Variants in CD276 observed in about 807,000 individuals in gnomAD.
CD276 encodes the protein CD276 molecule.
In CD276, 34 loss-of-function variants were observed where a neutral mutation model predicts 50.0. The observed-to-expected ratio is 0.68, with a 90% CI of 0.52 to 0.91. The LOEUF (loss-of-function observed/expected upper bound fraction) is 0.91, where lower values mean the gene tolerates loss of function less well. Among genes scored for constraint, CD276 ranks in the 40% least tolerant of loss-of-function variants. The pLI is 0.00. For synonymous variants in CD276, 275 were observed against 313.0 expected, an observed-to-expected ratio of 0.88 and a Z score of 1.28; for missense variants, 634 against 717.5, an observed-to-expected ratio of 0.88 and a Z score of 1.33.
In CD276 at chr15:73,711,171, G is replaced by A. The variant is rs760384194; in HGVS notation, c.1582+1G>A. 18 of 1,613,774 alleles carry A rather than the reference G, an allele frequency of 1.1e-5. No homozygotes were observed. The highest frequency in any genetic ancestry group is 5.3e-5 in the African/African-American group (4 of 74,902). ...CTGAAACACTCTGACAGCAAAGAAG[G>A]TAAAGACACCTGGGCTTGAGGTTGT... On this transcript the variant is annotated splice_donor_variant, in intron 9 of 9. Transcript: ENST00000318443. LOFTEE classifies it high-confidence loss of function.
Position 73,706,746 on chromosome 15 carries a change from T to C in CD276, c.1370-1593T>C, listed in dbSNP as rs141859579. The stretch of plus-strand genomic sequence containing the variant: ...ACCTGATGAAGTTAGTGAAGTTGTG[T>C]GCTGTGCAGAGCCTCTTGGAGGGGG... On this transcript the variant is annotated intron_variant, in intron 6 of 9. Coordinates refer to ENST00000318443, the MANE Select transcript of CD276 (RefSeq NM_001024736.2). Among the ~76,000 whole-genome samples the C allele has an allele frequency of 1.3e-3, 193 of 152,348 alleles. 1 individual carries two copies. Among genetic ancestry groups the C allele is most frequent in the East Asian group, 7.7e-4 (4 of 5,194 alleles).
At chr15:73,696,494 G>A (rs1230619346) in intron 1 of CD276, among the ~76,000 whole-genome samples, 1 of 152,132 alleles carries the variant, frequency 6.6e-6, no homozygotes, top group Non-Finnish European at 1.5e-5. Flanking sequence ...CTTTGCTTCT[G>A]GGCTGTCAAA....
At position 73,704,807 on chromosome 15, in the gene CD276, A is replaced by G. The variant is rs1469464801; in HGVS notation, c.1369+335A>G. On this transcript the variant is annotated intron_variant, in intron 6 of 9. Transcript: ENST00000318443. This position sits in a 1 kb window ranked among gnomAD's most constrained non-coding sequence, Gnocchi z 4.1. The stretch of plus-strand genomic sequence containing the variant: ...ACTTGGTGTGGGTGTGCTTTCCAGC[A>G]GGAACTCCTCTGAGTGGTAGGAAGG... 6.6e-6 allele frequency among the ~76,000 whole-genome samples: 1 copy of G among 152,210 alleles called. No individual in the cohort carries two copies. Among genetic ancestry groups the G allele is most frequent in the African/African-American group, 2.4e-5 (1 of 41,456 alleles).
chr15:73,686,568 G>C (rs961935009), intron 1 of CD276, among the ~76,000 whole-genome samples: 1 of 152,172 alleles, frequency 6.6e-6, no homozygotes, highest in African/African-American at 2.4e-5. Context: ...CTTCCTGTGA[G>C]AATTCCATCA....
chr15:73,704,363 T>A lies in CD276; in HGVS notation c.1260T>A (p.Phe420Leu), dbSNP rs757225566. The change falls in exon 6 of 10, where the codon TTT becomes TTA. Residue 420 changes from phenylalanine to leucine, a missense_variant. By Grantham distance (22) the Phe-to-Leu change is conservative. Transcript: ENST00000318443. The surrounding 1 kb of genome is among the most constrained non-coding windows in gnomAD (Gnocchi z 4.1). The stretch of plus-strand genomic sequence containing the variant: ...AGATGGCCAACGAGCAGGGCTTGTT[T>A]GATGTGCACAGCGTCCTGCGGGTGG... Reference protein sequence around the residue: ...TSQMANEQGLFDVHSVLRVVL... With the variant: ...TSQMANEQGLLDVHSVLRVVL... 5.0e-6 allele frequency: 8 copies of A among 1,613,966 alleles called. No individual in the cohort carries two copies. In the South Asian group the frequency reaches 8.8e-5, roughly 18 times the overall value.
chr15:73,702,375 G>C lies in CD276; in HGVS notation c.200G>C (p.Trp67Ser). Residue 67 changes from tryptophan (W) to serine (S), a missense_variant, in exon 3 of 10, where the codon TGG (tryptophan) becomes TCG (serine). Trp to Ser is a radical substitution (Grantham distance 177, BLOSUM62 -3). Transcript: ENST00000318443. ...GFSLAQLNLI[W>S]QLTDTKQLVH... ...AGCCTGGCACAGCTCAACCTCATCT[G>C]GCAGCTGACAGATACCAAACAGCTG... The C allele has an allele frequency of 6.2e-7, 1 of 1,613,730 alleles. No individual in the cohort carries two copies. Among genetic ancestry groups the C allele is most frequent in the Non-Finnish European group, 8.5e-7 (1 of 1,180,032 alleles).
intron 6 of CD276, among the ~76,000 whole-genome samples, chr15:73,705,377 C>T (rs781301031): frequency 3.9e-5 from 6 of 152,210 alleles, no homozygotes; most frequent in Non-Finnish European, 7.3e-5. Context: ...TCAGGACTCA[C>T]TTATTCCTGT....
At position 73,702,247 on chromosome 15, in the gene CD276, AC is replaced by A; in HGVS notation, c.80-3del. The A allele has an allele frequency of 6.3e-7, 1 of 1,598,448 alleles. No homozygotes were observed. Among genetic ancestry groups the A allele is most frequent in the South Asian group, 1.1e-5 (1 of 89,120 alleles). ...CCCTTATATGTTCTCCACTCCCCCT[AC>A]CCCCAGGAGCCCTGGAGGTCCAGGT... On this transcript the variant is annotated splice_region_variant and splice_polypyrimidine_tract_variant and intron_variant, in intron 2 of 9. Transcript: ENST00000318443.
chr15:73,704,537 G>C lies in CD276; in HGVS notation c.1369+65G>C, dbSNP rs575079855. The C allele has an allele frequency of 2.0e-5, 31 of 1,533,002 alleles. No individual in the cohort carries two copies. In the South Asian group the frequency reaches 3.5e-4, roughly 17 times the overall value. 95.0% of individuals were successfully genotyped at this position (1,533,002 alleles called of 1,614,324 possible). ...AACTCCCTCTTTACTGGACCCTAACGTGGAATTTCCATAGGTTTGGGTGGC... is the reference window on the plus strand; with the variant it reads ...AACTCCCTCTTTACTGGACCCTAACCTGGAATTTCCATAGGTTTGGGTGGC... On this transcript the variant is annotated intron_variant, in intron 6 of 9. Transcript: ENST00000318443. This position sits in a 1 kb window ranked among gnomAD's most constrained non-coding sequence, Gnocchi z 4.1.
Position 73,704,435 on chromosome 15 carries a change from G to T in CD276, c.1332G>T (p.Val444=). Residue 444 remains valine (V), a synonymous_variant, in exon 6 of 10, where the codon GTG becomes GTT. Coordinates refer to ENST00000318443, the MANE Select transcript of CD276 (RefSeq NM_001024736.2). The surrounding 1 kb of genome is among the most constrained non-coding windows in gnomAD (Gnocchi z 4.1). ...ACAGCTGCCTGGTGCGCAACCCCGTGCTGCAGCAGGATGCGCACGGCTCTG... is the reference window on the plus strand; with the variant it reads ...ACAGCTGCCTGGTGCGCAACCCCGTTCTGCAGCAGGATGCGCACGGCTCTG... ...GTYSCLVRNP[V]LQQDAHGSVT... The T allele has an allele frequency of 6.2e-7, 1 of 1,613,926 alleles. No individual in the cohort carries two copies. Among genetic ancestry groups the T allele is most frequent in the Non-Finnish European group, 8.5e-7 (1 of 1,180,008 alleles).
chr15:73,706,394 G>A (rs1900652824), intron 6 of CD276, among the ~76,000 whole-genome samples: 3 of 152,158 alleles, frequency 2.0e-5, no homozygotes, highest in Admixed American at 2.0e-4. Flanking sequence ...AATCTTTGGG[G>A]GTCAGACCCT....
rs1418603877 is a variant in CD276, at chr15:73,699,589, G to A, written c.-51G>A. The A allele has an allele frequency of 6.2e-7, 1 of 1,603,020 alleles. No homozygotes were observed. Among genetic ancestry groups the A allele is most frequent in the African/African-American group, 1.3e-5 (1 of 74,784 alleles). Reference sequence around the variant, plus strand: ...CCTTGCGTCCTCTTTCTCCCAGGCAGGGGCAGCCTTCCACCACGGGGAGCC... The same window carrying A: ...CCTTGCGTCCTCTTTCTCCCAGGCAAGGGCAGCCTTCCACCACGGGGAGCC... On this transcript the variant is annotated 5_prime_UTR_variant, in exon 2 of 10. Coordinates refer to ENST00000318443, the MANE Select transcript of CD276 (RefSeq NM_001024736.2).
rs373518338 is a variant in CD276 at position 73,713,393 on chromosome 15, C to T, written c.*437C>T. 6.1e-5 allele frequency: 16 copies of T among 260,226 alleles called. No homozygotes were observed. The highest frequency in any genetic ancestry group is 1.1e-4 in the Admixed American group (2 of 17,662). The allele number at this position is 260,226 out of a possible 1,614,324, so 16.1% of individuals were successfully genotyped here. On this transcript the variant is annotated 3_prime_UTR_variant, in exon 10 of 10. Transcript: ENST00000318443. The stretch of plus-strand genomic sequence containing the variant: ...CCAAAGACACGATGCATAGTCACCC[C>T]GGCCTTGTTTCTCCAATGGCCGTGA...
rs149943340 is a variant in CD276 at position 73,713,335 on chromosome 15, T to C, written c.*379T>C. On this transcript the variant is annotated 3_prime_UTR_variant, in exon 10 of 10. Coordinates refer to ENST00000318443, the MANE Select transcript of CD276 (RefSeq NM_001024736.2). Reference sequence around the variant, plus strand: ...TGCCTTTTTTCTCCAAAAGATGCAATATTCAGACTGACTGACCCCCTGCCT... The same window carrying C: ...TGCCTTTTTTCTCCAAAAGATGCAACATTCAGACTGACTGACCCCCTGCCT... 3 of 282,904 alleles carry C rather than the reference T, an allele frequency of 1.1e-5. No individual in the cohort carries two copies. The East Asian group carries it at 3.4e-4, about 32-fold the overall frequency. 17.5% of individuals were successfully genotyped at this position (282,904 alleles called of 1,614,324 possible).
chr15:73,690,571 T>C (rs1432223276), intron 1 of CD276: 1 of 398,806 alleles, frequency 2.5e-6, no homozygotes, highest in Non-Finnish European at 5.1e-6. Context: ...TGGAAGGGCA[T>C]GTGAGCGTGC....
chr15:73,711,234 A>C, intron 9 of CD276, 64 bp downstream of exon 9: 3 of 1,556,548 alleles, frequency 1.9e-6, no homozygotes, highest in Non-Finnish European at 2.7e-6. Flanking sequence ...AGAGGCTGAG[A>C]GGGTGGGTAG....
chr15:73,710,623 C>T (rs919492782), intron 8 of CD276, among the ~76,000 whole-genome samples: 1 of 152,236 alleles, frequency 6.6e-6, no homozygotes, highest in African/African-American at 2.4e-5. Flanking sequence ...CCAATTAATT[C>T]TTTGCCTGTT....
chr15:73,698,017 T>C (rs764035920), intron 1 of CD276, among the ~76,000 whole-genome samples: 13 of 152,150 alleles, frequency 8.5e-5, no homozygotes, highest in Non-Finnish European at 1.8e-4. Context: ...GGCACAAATG[T>C]TTAGGCAGCA....
chr15:73,691,454 T>C (rs1211904200), intron 1 of CD276, among the ~76,000 whole-genome samples: 3 of 152,236 alleles, frequency 2.0e-5, no homozygotes, highest in Admixed American at 1.3e-4. Flanking sequence ...GAAAGAGTCT[T>C]TTTTGATGGC....
Sources: allele counts gnomAD v4.1 joint callset (sites outside exome capture counted in the v4.1 genomes callset), GRCh38; gene constraint gnomAD v4.1.1; non-coding constraint Gnocchi (gnomAD v3.1); transcripts MANE v1.5; gene names NCBI Gene and HGNC (gene_info 2026-07-23, HGNC 2026-07-21).